PCDH9: variants seen among roughly 807,000 people sequenced by gnomAD.
PCDH9 encodes protocadherin-9.
PCDH9 carries 24 observed loss-of-function variants against 70.6 expected under a neutral mutation model. That is an observed-to-expected ratio of 0.34 (90% CI 0.25 to 0.48). The LOEUF is 0.48. Ranked by LOEUF, PCDH9 falls within the 20% of genes least tolerant of loss-of-function variation. The pLI, the probability that PCDH9 is intolerant of heterozygous loss-of-function variation, is 0.99. For missense variants in PCDH9, 1,281 were observed against 1,503.6 expected, an observed-to-expected ratio of 0.85 and a Z score of 2.45; for synonymous variants, 562 against 558.5, an observed-to-expected ratio of 1.01 and a Z score of -0.09.
chr13:67,099,849 G>A (rs185053021), intron 2 of PCDH9, among the ~76,000 whole-genome samples: 4 of 152,122 alleles, frequency 2.6e-5, no homozygotes, highest in African/African-American at 9.7e-5. Context: ...AAGGTTAAAT[G>A]TAAGTTTGAC....
Position 66,849,803 on chromosome 13 carries a change from A to G in PCDH9, c.3138+53701T>C, listed in dbSNP as rs565327435. On this transcript the variant is annotated intron_variant, in intron 3 of 4. Coordinates refer to ENST00000377865, the MANE Select transcript of PCDH9 (RefSeq NM_203487.3). ...GGAGCTACCAATAGACGCTGCTTTT[A>G]TCACCCGTAAGTCTTCAAGAAGAGC... 1.6e-4 allele frequency among the ~76,000 whole-genome samples: 24 copies of G among 152,284 alleles called. No individual in the cohort carries two copies. In the South Asian group the frequency reaches 5.0e-3, roughly 32 times the overall value.
intron 2 of PCDH9, among the ~76,000 whole-genome samples, chr13:67,056,912 T>C (rs888755855): frequency 6.6e-6 from 1 of 152,174 alleles, no homozygotes; most frequent in African/African-American, 2.4e-5. Context: ...TGTACAAATT[T>C]ATATACACTA....
At chr13:67,070,519 T>C (rs1161930584) in intron 2 of PCDH9, among the ~76,000 whole-genome samples, 1 of 152,172 alleles carries the variant, frequency 6.6e-6, no homozygotes. Flanking sequence ...AGACTCACAA[T>C]TGTTTCAGTA....
intron 4 of PCDH9, among the ~76,000 whole-genome samples, chr13:66,507,807 C>T (rs1001903576): frequency 4.6e-5 from 7 of 152,060 alleles, no homozygotes; most frequent in African/African-American, 1.7e-4. Flanking sequence ...CTGCAACTTC[C>T]ACCTCCGGGC....
intron 2 of PCDH9, among the ~76,000 whole-genome samples, chr13:67,197,506 T>C (rs1172691532): frequency 2.0e-5 from 3 of 152,002 alleles, no homozygotes; most frequent in African/African-American, 7.2e-5. Context: ...TATTTGGTTG[T>C]TACTCAGGGC....
At chr13:66,322,577 A>G (rs543871225) in intron 4 of PCDH9, among the ~76,000 whole-genome samples, 1 of 152,166 alleles carries the variant, frequency 6.6e-6, no homozygotes, top group East Asian at 1.9e-4. Flanking sequence ...AGAATCAGGC[A>G]CAGGCCACAT....
chr13:66,893,482 T>A (rs2085958708), intron 3 of PCDH9, among the ~76,000 whole-genome samples: 1 of 152,202 alleles, frequency 6.6e-6, no homozygotes, highest in Non-Finnish European at 1.5e-5. Flanking sequence ...TGCCTTCACT[T>A]ATTCAACCAT....
At chr13:66,732,747 C>T (rs942488822) in intron 3 of PCDH9, among the ~76,000 whole-genome samples, 8 of 151,898 alleles carry the variant, frequency 5.3e-5, no homozygotes, top group African/African-American at 1.9e-4. Context: ...TTAAAACTAC[C>T]ATTTTTTTTG....
intron 3 of PCDH9, among the ~76,000 whole-genome samples, chr13:66,711,267 A>T (rs2078789081): frequency 6.6e-6 from 1 of 152,136 alleles, no homozygotes; most frequent in Non-Finnish European, 1.5e-5. Flanking sequence ...TACAAAACGC[A>T]AGATTTCTAA....
chr13:66,569,461 T>C (rs553530886), intron 4 of PCDH9, among the ~76,000 whole-genome samples: 1 of 152,300 alleles, frequency 6.6e-6, no homozygotes, highest in East Asian at 1.9e-4. Context: ...TATACAATTA[T>C]ATGTCTTTTC....
chr13:67,116,568 T>C (rs1444174237), intron 2 of PCDH9, among the ~76,000 whole-genome samples: 1 of 152,080 alleles, frequency 6.6e-6, no homozygotes, highest in Admixed American at 6.6e-5. Flanking sequence ...TAAAAAAAAA[T>C]TTCTTGGGTT....
At chr13:67,135,649 G>C (rs1441584510) in intron 2 of PCDH9, among the ~76,000 whole-genome samples, 1 of 152,096 alleles carries the variant, frequency 6.6e-6, no homozygotes, top group African/African-American at 2.4e-5. Context: ...GTTCTGAGGA[G>C]AAGATGTCAA....
intron 3 of PCDH9, among the ~76,000 whole-genome samples, chr13:66,753,575 A>G (rs1683514369): frequency 1.3e-5 from 2 of 152,196 alleles, no homozygotes; most frequent in Admixed American, 6.5e-5. Context: ...CTAATGAGGT[A>G]ATGTCATTCA....
intron 2 of PCDH9, among the ~76,000 whole-genome samples, chr13:67,181,033 A>G (rs2088601507): frequency 6.6e-6 from 1 of 152,210 alleles, no homozygotes; most frequent in Non-Finnish European, 1.5e-5. Context: ...CTAAAAATCA[A>G]TTTCAAATTA....
chr13:66,877,402 TA>T (rs1430033057), intron 3 of PCDH9, among the ~76,000 whole-genome samples: 12 of 151,828 alleles, frequency 7.9e-5, no homozygotes, highest in Non-Finnish European at 1.3e-4. Flanking sequence ...TTTTTGTTAT[TA>T]TTTTTTTAAA....
chr13:66,776,240 A>AC (rs2079890599), intron 3 of PCDH9, among the ~76,000 whole-genome samples: 2 of 150,960 alleles, frequency 1.3e-5, no homozygotes, highest in Admixed American at 1.3e-4. Flanking sequence ...GCCCTCTCTC[A>AC]CCGCTCCTAT....
intron 4 of PCDH9, among the ~76,000 whole-genome samples, chr13:66,498,694 G>C (rs534463365): frequency 2.6e-5 from 4 of 151,914 alleles, no homozygotes; most frequent in Non-Finnish European, 4.4e-5. Flanking sequence ...AAAATTAAAC[G>C]AATGTTTTAA....
chr13:66,571,286 T>C (rs563377505), intron 4 of PCDH9, among the ~76,000 whole-genome samples: 10 of 152,194 alleles, frequency 6.6e-5, no homozygotes, highest in African/African-American at 2.4e-4. Flanking sequence ...TATGTCTTTA[T>C]ATCAAACAAT....
At chr13:67,027,204 T>G (rs1327086899) in intron 2 of PCDH9, among the ~76,000 whole-genome samples, 3 of 152,024 alleles carry the variant, frequency 2.0e-5, no homozygotes, top group African/African-American at 7.2e-5. Context: ...ATGGTACTGG[T>G]ACCAAAACAG....
Sources: allele counts gnomAD v4.1 joint callset (sites outside exome capture counted in the v4.1 genomes callset), GRCh38; gene constraint gnomAD v4.1.1; transcripts MANE v1.5; gene names NCBI Gene and HGNC (gene_info 2026-07-23, HGNC 2026-07-21).